The following DOCK2 variants were observed in gnomAD, a reference collection of about 807,000 sequenced individuals.
DOCK2 encodes the protein dedicator of cytokinesis 2, also known as dedicator of cytokinesis protein 2.
In DOCK2, 87 loss-of-function variants were observed where a neutral mutation model predicts 248.9. The observed-to-expected ratio is 0.35, with a 90% CI of 0.29 to 0.42. DOCK2 has a LOEUF of 0.42. Among genes scored for constraint, DOCK2 ranks in the 10% least tolerant of loss-of-function variants. The pLI is 1.00. For missense variants in DOCK2, 1,747 were observed against 2,300.2 expected, an observed-to-expected ratio of 0.76 and a Z score of 4.92; for synonymous variants, 805 against 821.6, an observed-to-expected ratio of 0.98 and a Z score of 0.35.
chr5:170,018,609 A>C (rs1052409507), intron 32 of DOCK2, among the ~76,000 whole-genome samples: 3 of 152,218 alleles, frequency 2.0e-5, no homozygotes, highest in Non-Finnish European at 4.4e-5. Context: ...AGACAGACAT[A>C]ATTTCAAATG....
At chr5:169,737,844 A>G (rs1488282664) in intron 22 of DOCK2, among the ~76,000 whole-genome samples, 3 of 152,214 alleles carry the variant, frequency 2.0e-5, no homozygotes, top group Non-Finnish European at 2.9e-5. Flanking sequence ...TTTATATCAA[A>G]TAGGTAAATG....
intron 2 of DOCK2, among the ~76,000 whole-genome samples, chr5:169,669,083 C>A (rs1758890650): frequency 6.6e-6 from 1 of 152,082 alleles, no homozygotes; most frequent in African/African-American, 2.4e-5. Context: ...TATATGAAGT[C>A]TATTTTTAGA....
chr5:169,891,177 A>C lies in DOCK2; in HGVS notation c.2799+50325A>C, dbSNP rs183622222. Among the ~76,000 whole-genome samples, 312 of 152,068 alleles carry C rather than the reference A, an allele frequency of 2.1e-3. 1 individual carries two copies. The highest frequency in any genetic ancestry group is 7.2e-3 in the African/African-American group (299 of 41,426). On this transcript the variant is annotated intron_variant, in intron 27 of 51. Transcript: ENST00000520908. Reference sequence around the variant, plus strand: ...TCATCATCTGGCTTTCAAATCTGCTATTCCTTTTGTTAGGACTCCTCTTTC... The same window carrying C: ...TCATCATCTGGCTTTCAAATCTGCTCTTCCTTTTGTTAGGACTCCTCTTTC...
intron 23 of DOCK2, among the ~76,000 whole-genome samples, chr5:169,753,398 C>T (rs1764016091): frequency 6.6e-6 from 1 of 151,786 alleles, no homozygotes; most frequent in African/African-American, 2.4e-5. Flanking sequence ...TGTTGTTCCC[C>T]ACCCTGTGTT....
chr5:170,040,984 C>T (rs375087820), intron 36 of DOCK2, 71 bp from the exon 37 acceptor site: 2 of 1,389,230 alleles, frequency 1.4e-6, no homozygotes, highest in Admixed American at 1.7e-5. Flanking sequence ...TCTCTGGGCT[C>T]CTGCTTGTCC....
chr5:169,952,751 C>CCAAGCTT (rs1253570881), intron 27 of DOCK2, among the ~76,000 whole-genome samples: 4 of 152,110 alleles, frequency 2.6e-5, no homozygotes, highest in Non-Finnish European at 5.9e-5. Flanking sequence ...TGTCATTGTT[C>CCAAGCTT]CAAGCTTCGT....
At chr5:169,843,789 A>G (rs1245768978) in intron 27 of DOCK2, among the ~76,000 whole-genome samples, 7 of 152,218 alleles carry the variant, frequency 4.6e-5, no homozygotes, top group African/African-American at 1.7e-4. Context: ...AATTTTATAT[A>G]AATGAAATCA....
intron 27 of DOCK2, among the ~76,000 whole-genome samples, chr5:169,849,378 G>T (rs2113366587): frequency 6.6e-6 from 1 of 152,284 alleles, no homozygotes; most frequent in Admixed American, 6.5e-5. Context: ...TACTGTTTTG[G>T]AGTCGCTGCC....
intron 30 of DOCK2, among the ~76,000 whole-genome samples, chr5:170,007,617 C>A (rs1755091172): frequency 1.3e-5 from 2 of 152,152 alleles, no homozygotes; most frequent in African/African-American, 4.8e-5. Flanking sequence ...CCTATAATAT[C>A]TCTGGTTCTG....
intron 25 of DOCK2, among the ~76,000 whole-genome samples, chr5:169,778,005 C>T (rs909864299): frequency 2.0e-5 from 3 of 152,208 alleles, no homozygotes; most frequent in African/African-American, 7.2e-5. Flanking sequence ...CGTGAGCACA[C>T]ATTCCCTCCT....
At position 170,077,904 on chromosome 5, in the gene DOCK2, C is replaced by T; in HGVS notation, c.4994+67C>T. ...CCCTGGCTCTATCCCCCCTCCTTCTCTCTCTTCTCCGGCAACATCCCTTCT... is the reference window on the plus strand; with the variant it reads ...CCCTGGCTCTATCCCCCCTCCTTCTTTCTCTTCTCCGGCAACATCCCTTCT... On this transcript the variant is annotated intron_variant, in intron 48 of 51. Transcript: ENST00000520908. 2.3e-6 allele frequency: 3 copies of T among 1,311,256 alleles called. No homozygotes were observed. The East Asian group carries it at 7.2e-5, about 31-fold the overall frequency. The allele number at this position is 1,311,256 out of a possible 1,614,324, so 81.2% of individuals were successfully genotyped here.
At chr5:169,650,322 T>C (rs1231809562) in intron 1 of DOCK2, among the ~76,000 whole-genome samples, 2 of 152,156 alleles carry the variant, frequency 1.3e-5, no homozygotes, top group Non-Finnish European at 2.9e-5. Context: ...GGGTGTGCAG[T>C]AGTTAGAATT....
chr5:169,657,938 T>G (rs1758213142), intron 2 of DOCK2, among the ~76,000 whole-genome samples: 1 of 152,176 alleles, frequency 6.6e-6, no homozygotes, highest in Admixed American at 6.5e-5. Context: ...TTAAAAAATC[T>G]AATAAAGTTG....
chr5:169,852,888 A>G (rs1021644542), intron 27 of DOCK2, among the ~76,000 whole-genome samples: 2 of 152,214 alleles, frequency 1.3e-5, no homozygotes, highest in African/African-American at 2.4e-5. Flanking sequence ...CCTGGAACAC[A>G]CATTGGAAGG....
chr5:169,756,691 C>T (rs1378398867), intron 23 of DOCK2, among the ~76,000 whole-genome samples: 3 of 152,104 alleles, frequency 2.0e-5, no homozygotes, highest in African/African-American at 7.2e-5. Flanking sequence ...TTTGGGAGGT[C>T]AAGGCGGGTA....
intron 27 of DOCK2, among the ~76,000 whole-genome samples, chr5:169,908,175 C>T (rs1489166461): frequency 1.3e-5 from 2 of 152,144 alleles, no homozygotes; most frequent in African/African-American, 4.8e-5. Context: ...TTCATTAATG[C>T]CTTACAGGCT....
chr5:169,949,597 G>A (rs1167922008), intron 27 of DOCK2, among the ~76,000 whole-genome samples: 1 of 151,510 alleles, frequency 6.6e-6, no homozygotes, highest in Non-Finnish European at 1.5e-5. Flanking sequence ...TAATGGTGGG[G>A]GTGATGTGAA....
intron 38 of DOCK2, among the ~76,000 whole-genome samples, chr5:170,045,088 A>G (rs1379256409): frequency 1.3e-5 from 2 of 152,166 alleles, no homozygotes; most frequent in Non-Finnish European, 2.9e-5. Flanking sequence ...ACTATTAAAA[A>G]AAAAGTCTTA....
intron 27 of DOCK2, among the ~76,000 whole-genome samples, chr5:169,901,934 C>T (rs1160800480): frequency 6.6e-6 from 1 of 152,178 alleles, no homozygotes; most frequent in Admixed American, 6.5e-5. Flanking sequence ...CCACAGTGCC[C>T]TCTCCTACCC....
Sources: allele counts gnomAD v4.1 joint callset (sites outside exome capture counted in the v4.1 genomes callset), GRCh38; gene constraint gnomAD v4.1.1; transcripts MANE v1.5; gene names NCBI Gene and HGNC (gene_info 2026-07-23, HGNC 2026-07-21).